Variants in KIF13A observed in about 807,000 individuals in gnomAD.
KIF13A encodes kinesin-like protein KIF13A.
In KIF13A, 79 loss-of-function variants were observed where a neutral mutation model predicts 212.2. That is an observed-to-expected ratio of 0.37 (90% CI 0.31 to 0.45). The LOEUF (loss-of-function observed/expected upper bound fraction) is 0.45. Among genes scored for constraint, KIF13A ranks in the 20% least tolerant of loss-of-function variants. The pLI is 1.00. For missense variants in KIF13A, 1,901 were observed against 2,209.0 expected (o/e 0.86, Z 2.79); for synonymous variants, 789 against 808.6 (o/e 0.98, Z 0.41).
rs1011841407 is a variant in KIF13A at position 17,765,046 on chromosome 6, A to G, written c.4582-100T>C. On this transcript the variant is annotated intron_variant, in intron 38 of 38. Transcript: ENST00000259711. ...GGCTGTTAAAGGCATTCACATTCAC[A>G]TGGTGTTCAGTGTTTTCTTTTTGTC... is the stretch of plus-strand genomic sequence containing the variant. 3 of 880,498 alleles carry G rather than the reference A, an allele frequency of 3.4e-6. No individual in the cohort carries two copies. In the Admixed American group the frequency reaches 8.8e-5, roughly 26 times the overall value. The allele number at this position is 880,498 out of a possible 1,614,324, so 54.5% of individuals were successfully genotyped here. A position where few individuals can be genotyped will look rare whatever the true frequency, so the allele number is the denominator to read the frequency against.
chr6:17,981,278 AT>A (rs1269991374), intron 2 of KIF13A, among the ~76,000 whole-genome samples: 2 of 152,058 alleles, frequency 1.3e-5, no homozygotes, highest in Non-Finnish European at 2.9e-5. Flanking sequence ...AGTTAAGAGT[AT>A]TTTTTCATAA....
At chr6:17,889,575 ACT>A (rs1771855372) in intron 3 of KIF13A, among the ~76,000 whole-genome samples, 1 of 152,148 alleles carries the variant, frequency 6.6e-6, no homozygotes, top group African/African-American at 2.4e-5. Context: ...CTTTCTTCTT[ACT>A]CTTTCCTTAT....
At position 17,915,425 on chromosome 6, in the gene KIF13A, G is replaced by T. The variant is rs563772627; in HGVS notation, c.147-17245C>A. Among the ~76,000 whole-genome samples, 1 of 152,158 alleles carries T rather than the reference G, an allele frequency of 6.6e-6. No individual in the cohort carries two copies. Among genetic ancestry groups the T allele is most frequent in the Non-Finnish European group, 1.5e-5 (1 of 68,016 alleles). The stretch of plus-strand genomic sequence containing the variant: ...TTAAAAGCAGCAGAGTAACACACGC[G>T]ATGCAAGGCCCCTCATTTTCAGCCA... On this transcript the variant is annotated intron_variant, in intron 2 of 38. Transcript: ENST00000259711. This position sits in a 1 kb window ranked among gnomAD's most constrained non-coding sequence, Gnocchi z 4.4.
chr6:17,774,920 C>G (rs1426001790), intron 35 of KIF13A, 95 bp downstream of exon 35: 2 of 843,530 alleles, frequency 2.4e-6, no homozygotes, highest in South Asian at 1.7e-5. Context: ...ACAGGATCAA[C>G]CAGGTGAGGC....
At chr6:17,835,991 G>C (rs1765921425) in intron 11 of KIF13A, among the ~76,000 whole-genome samples, 1 of 152,182 alleles carries the variant, frequency 6.6e-6, no homozygotes, top group Non-Finnish European at 1.5e-5. Context: ...CTGGCATGTG[G>C]AACCCTGTGA....
In KIF13A at chr6:17,837,169, G is replaced by A; in HGVS notation, c.943-79C>T. ...ATGATAAAAGCACTAAATGTGTTAG[G>A]TATGACATTATTCTCTATGAAGGAA... On this transcript the variant is annotated intron_variant, in intron 10 of 38. Coordinates refer to ENST00000259711, the MANE Select transcript of KIF13A (RefSeq NM_022113.6). The surrounding 1 kb of genome is among the most constrained non-coding windows in gnomAD (Gnocchi z 5.4). The A allele has an allele frequency of 1.7e-6, 2 of 1,201,330 alleles. No individual in the cohort carries two copies. Among genetic ancestry groups the A allele is most frequent in the Non-Finnish European group, 2.4e-6 (2 of 822,338 alleles). The allele number at this position is 1,201,330 out of a possible 1,614,324, so 74.4% of individuals were successfully genotyped here.
At position 17,828,380 on chromosome 6, in the gene KIF13A, G is replaced by C. The variant is rs1236289601; in HGVS notation, c.1402-10C>G. On this transcript the variant is annotated splice_polypyrimidine_tract_variant and intron_variant, in intron 13 of 38. Coordinates refer to ENST00000259711, the MANE Select transcript of KIF13A (RefSeq NM_022113.6). This position sits in a 1 kb window ranked among gnomAD's most constrained non-coding sequence, Gnocchi z 4.3. ...CCACCCTGGTGTGATCCTAGTAAAAGATTATTAAGGAAAGAAAAACCCACA... is the reference window on the plus strand; with the variant it reads ...CCACCCTGGTGTGATCCTAGTAAAACATTATTAAGGAAAGAAAAACCCACA... 10 of 1,597,552 alleles carry C rather than the reference G, an allele frequency of 6.3e-6. No individual in the cohort carries two copies. The highest frequency in any genetic ancestry group is 8.5e-6 in the Non-Finnish European group (10 of 1,174,064).
In KIF13A at chr6:17,821,915, G is replaced by A. The variant is rs1471942832; in HGVS notation, c.1786+3853C>T. 3 of 1,535,404 alleles carry A rather than the reference G, an allele frequency of 2.0e-6. No homozygotes were observed. In the Admixed American group the frequency reaches 5.9e-5, roughly 30 times the overall value. On this transcript the variant is annotated intron_variant, in intron 16 of 38. Coordinates refer to ENST00000259711, the MANE Select transcript of KIF13A (RefSeq NM_022113.6). The stretch of plus-strand genomic sequence containing the variant: ...ATTATCGGGAAGCCACCTAGCAGTA[G>A]AGGGGAATCACAGTGAACACCGTCC...
At chr6:17,835,249 A>G (rs1765843287) in intron 11 of KIF13A, among the ~76,000 whole-genome samples, 2 of 140,498 alleles carry the variant, frequency 1.4e-5, no homozygotes, top group Admixed American at 7.6e-5. Flanking sequence ...AGAAACAGAA[A>G]AAGAAAATTC....
chr6:17,903,337 A>C (rs1773211804), intron 2 of KIF13A, among the ~76,000 whole-genome samples: 1 of 152,224 alleles, frequency 6.6e-6, no homozygotes, highest in East Asian at 1.9e-4. Flanking sequence ...TCTTGGAGGA[A>C]CATATTTTGG....
rs1423859782 is a variant in KIF13A, at chr6:17,805,564, T to A, written c.2215A>T (p.Ser739Cys). 3.7e-6 allele frequency: 6 copies of A among 1,613,428 alleles called. No individual in the cohort carries two copies. The highest frequency in any genetic ancestry group is 4.2e-6 in the Non-Finnish European group (5 of 1,179,514). Residue 739 changes from serine (S) to cysteine (C), a missense_variant, in exon 19 of 39, where the codon AGC (serine) becomes TGC (cysteine). Physicochemically the swap from Ser to Cys is moderately radical, Grantham distance 112. Transcript: ENST00000259711. ...TTCTCAATGGTCCACACTTGGGTGC[T>A]CTTTCCTTTCCTCCTCACTTGGATA... Reference protein sequence around the residue: ...PAIQVRRKGKSTQVWTIEKLE... With the variant: ...PAIQVRRKGKCTQVWTIEKLE...
Position 17,826,004 on chromosome 6 carries a change from T to C in KIF13A, c.1619+34A>G. 6.2e-7 allele frequency: 1 copy of C among 1,610,286 alleles called. No homozygotes were observed. The highest frequency in any genetic ancestry group is 1.1e-5 in the South Asian group (1 of 90,804). The stretch of plus-strand genomic sequence containing the variant: ...TTAAATAGATAACAGAAAAAATGTA[T>C]ACGAAAATATATTACAGAACACAAA... On this transcript the variant is annotated intron_variant, in intron 15 of 38. Coordinates refer to ENST00000259711, the MANE Select transcript of KIF13A (RefSeq NM_022113.6). The surrounding 1 kb of genome is among the most constrained non-coding windows in gnomAD (Gnocchi z 4.7).
At chr6:17,938,569 C>T (rs923299444) in intron 2 of KIF13A, among the ~76,000 whole-genome samples, 5 of 152,086 alleles carry the variant, frequency 3.3e-5, no homozygotes, top group Non-Finnish European at 5.9e-5. Context: ...GAAACATATG[C>T]TTATGACTTG....
At chr6:17,803,500 C>G (rs1314941196) in intron 20 of KIF13A, among the ~76,000 whole-genome samples, 1 of 152,166 alleles carries the variant, frequency 6.6e-6, no homozygotes, top group Non-Finnish European at 1.5e-5. Flanking sequence ...CTAAGAATCA[C>G]AAGAAATAAC....
At chr6:17,765,624 T>C (rs1417621942) in intron 38 of KIF13A, among the ~76,000 whole-genome samples, 1 of 152,240 alleles carries the variant, frequency 6.6e-6, no homozygotes, top group African/African-American at 2.4e-5. Context: ...GAAGAAGGCA[T>C]AGTGAAATTT....
chr6:17,868,989 CAAAAAAAAAAAAAAAA>C (rs71002278), intron 4 of KIF13A, among the ~76,000 whole-genome samples: 5 of 20,920 alleles, frequency 2.4e-4, no homozygotes, highest in African/African-American at 4.2e-4. Flanking sequence ...GACTCCCTCT[CAAAAAAAAAAAAAAAA>C]AAAAAAAAAA....
At chr6:17,814,624 A>T (rs1418111209) in intron 17 of KIF13A, among the ~76,000 whole-genome samples, 1 of 151,986 alleles carries the variant, frequency 6.6e-6, no homozygotes, top group Non-Finnish European at 1.5e-5. Flanking sequence ...CTGGGTTCAA[A>T]CTCTGTTTTT....
intron 2 of KIF13A, among the ~76,000 whole-genome samples, chr6:17,938,044 C>T (rs755935481): frequency 8.7e-5 from 12 of 138,108 alleles, no homozygotes; most frequent in African/African-American, 2.0e-4. Flanking sequence ...CACCGTGCCC[C>T]GCCCTAATTA....
chr6:17,767,324 G>A (rs1407904720), intron 38 of KIF13A, among the ~76,000 whole-genome samples: 1 of 149,688 alleles, frequency 6.7e-6, no homozygotes, highest in South Asian at 2.1e-4. Flanking sequence ...GCGCGATCTT[G>A]GATCACTGCA....
Sources: allele counts gnomAD v4.1 joint callset (sites outside exome capture counted in the v4.1 genomes callset), GRCh38; gene constraint gnomAD v4.1.1; non-coding constraint Gnocchi (gnomAD v3.1); transcripts MANE v1.5; gene names NCBI Gene and HGNC (gene_info 2026-07-23, HGNC 2026-07-21).